The following CFAP73 variants were observed in gnomAD, a reference collection of about 807,000 sequenced individuals.
CFAP73 encodes the protein cilia- and flagella-associated protein 73.
Under a neutral mutation model 42.9 loss-of-function variants are expected in CFAP73, and 33 were observed. The ratio of observed to expected loss-of-function variants is 0.77; its 90% CI spans 0.58 to 1.03. The LOEUF (loss-of-function observed/expected upper bound fraction) is 1.03, where lower values mean the gene tolerates loss of function less well. Among genes scored for constraint, CFAP73 ranks in the 50% least tolerant of loss-of-function variants. The pLI is 0.00. For synonymous variants in CFAP73, 162 were observed against 186.8 expected (o/e 0.87, Z 1.08); for missense variants, 392 against 411.9 (o/e 0.95, Z 0.42).
At chr12:113,152,926 G>T (rs1952078415) in intron 3 of CFAP73, 39 bp downstream of exon 3, 2 of 1,404,652 alleles carry the variant, frequency 1.4e-6, no homozygotes, top group Non-Finnish European at 9.9e-7. Flanking sequence ...GGGCCTATGG[G>T]TAGCAGCCCA....
At chr12:113,151,351 G>A (rs1441365626) in intron 1 of CFAP73, among the ~76,000 whole-genome samples, 5 of 152,212 alleles carry the variant, frequency 3.3e-5, no homozygotes, top group East Asian at 1.9e-4. Flanking sequence ...GCATGGTGGC[G>A]TGCACCTGTA....
chr12:113,154,159 G>A lies in CFAP73; in HGVS notation c.469-255G>A, dbSNP rs1952093430. Among the ~76,000 whole-genome samples the A allele has an allele frequency of 6.6e-6, 1 of 151,984 alleles. No individual in the cohort carries two copies. The highest frequency in any genetic ancestry group is 1.5e-5 in the Non-Finnish European group (1 of 68,000). ...TCGGGCGTGGTGGCGTGTGACTATA[G>A]TCCCAGCTACTTTGGAGCGGAGATG... On this transcript the variant is annotated intron_variant, in intron 4 of 7. Transcript: ENST00000335621. This position sits in a 1 kb window ranked among gnomAD's most constrained non-coding sequence, Gnocchi z 4.7.
intron 3 of CFAP73, 74 bp downstream of exon 3, chr12:113,152,961 A>C: frequency 9.3e-7 from 1 of 1,078,310 alleles, no homozygotes; most frequent in Non-Finnish European, 1.4e-6. Context: ...CCCGGCAGGT[A>C]ACAAAAATAA....
In CFAP73 at chr12:113,159,169, C is replaced by T; in HGVS notation, c.*480C>T. ...GGGATCACTCCCAAGATCCCCTCCTCCCAGAAGCTTGCAGACTCCTCCCCT... is the reference window on the plus strand; with the variant it reads ...GGGATCACTCCCAAGATCCCCTCCTTCCAGAAGCTTGCAGACTCCTCCCCT... On this transcript the variant is annotated 3_prime_UTR_variant, in exon 8 of 8. Coordinates refer to ENST00000335621, the MANE Select transcript of CFAP73 (RefSeq NM_001144872.3). The T allele has an allele frequency of 1.3e-6, 2 of 1,507,810 alleles. No homozygotes were observed. The highest frequency in any genetic ancestry group is 1.8e-6 in the Non-Finnish European group (2 of 1,124,136). 93.4% of individuals were successfully genotyped at this position (1,507,810 alleles called of 1,614,324 possible). A position where few individuals can be genotyped will look rare whatever the true frequency, so the allele number is the denominator to read the frequency against.
chr12:113,152,544 A>G (rs1952073319), intron 2 of CFAP73, among the ~76,000 whole-genome samples: 1 of 152,222 alleles, frequency 6.6e-6, no homozygotes, highest in African/African-American at 2.4e-5. Context: ...TGGCTGGAAG[A>G]CAGAATATGG....
chr12:113,153,259 C>T lies in CFAP73; in HGVS notation c.319C>T (p.His107Tyr). The change falls in exon 4 of 8, where the codon CAC becomes TAC. Residue 107 changes from histidine to tyrosine, a missense_variant. By Grantham distance (83) the His-to-Tyr change is moderately conservative. Coordinates refer to ENST00000335621, the MANE Select transcript of CFAP73 (RefSeq NM_001144872.3). ...GCTGCGGAGGGCGGCGGAGGAGAGG[C>T]ACCAGGCGGGCCGTCGGGAGGTGGA... ...RALRRAAEER[H>Y]QAGRREVEAL... is the part of the protein sequence containing the mutation. The T allele has an allele frequency of 6.6e-7, 1 of 1,520,278 alleles. No individual in the cohort carries two copies. The highest frequency in any genetic ancestry group is 8.8e-7 in the Non-Finnish European group (1 of 1,140,044). The allele number at this position is 1,520,278 out of a possible 1,614,324, so 94.2% of individuals were successfully genotyped here.
chr12:113,152,340 G>A (rs181301584), intron 2 of CFAP73, among the ~76,000 whole-genome samples: 24 of 152,354 alleles, frequency 1.6e-4, no homozygotes, highest in Admixed American at 2.0e-4. Flanking sequence ...AGGGGCTGTG[G>A]AAGCCCAGAA....
chr12:113,156,731 GC>G (rs2136308435), intron 6 of CFAP73: 1 of 152,302 alleles, frequency 6.6e-6, no homozygotes, highest in African/African-American at 2.4e-5. Context: ...AGAAACACAG[GC>G]TTGATGTAAA....
chr12:113,158,647 G>T lies in CFAP73; in HGVS notation c.*12-54G>T. ...CTCAAGTCTTGGCCTGCCTGGCTTT[G>T]CTGGCGAACTCCTGCACACCCTTCA... On this transcript the variant is annotated intron_variant, in intron 7 of 7. Coordinates refer to ENST00000335621, the MANE Select transcript of CFAP73 (RefSeq NM_001144872.3). This position sits in a 1 kb window ranked among gnomAD's most constrained non-coding sequence, Gnocchi z 4.9. The T allele has an allele frequency of 4.0e-6, 2 of 503,212 alleles. No individual in the cohort carries two copies. The highest frequency in any genetic ancestry group is 8.2e-5 in the Admixed American group (2 of 24,352). 31.2% of individuals were successfully genotyped at this position (503,212 alleles called of 1,614,324 possible). A position where few individuals can be genotyped will look rare whatever the true frequency, so the allele number is the denominator to read the frequency against.
chr12:113,157,574 G>C, intron 6 of CFAP73, 28 bp from the exon 7 acceptor site: 1 of 1,548,056 alleles, frequency 6.5e-7, no homozygotes, highest in Non-Finnish European at 8.7e-7. Context: ...CTGGGGCTGG[G>C]ATGTGACTTC....
At position 113,157,654 on chromosome 12, in the gene CFAP73, C is replaced by A; in HGVS notation, c.902C>A (p.Ala301Asp). The change falls in exon 7 of 8, where the codon GCT (alanine) becomes GAT (aspartate). Residue 301 changes from alanine (A) to aspartate (D), a missense_variant. Coordinates refer to ENST00000335621, the MANE Select transcript of CFAP73 (RefSeq NM_001144872.3). ...GCCATGCTGGCCGGCCTGGGTCAGG[C>A]TGAGCCTGCAGCCCCTGCCTCCTAG... ...LSAMLAGLGQ[A>D]EPAAPAS 6.4e-7 allele frequency: 1 copy of A among 1,551,608 alleles called. No homozygotes were observed. Among genetic ancestry groups the A allele is most frequent in the Non-Finnish European group, 8.7e-7 (1 of 1,146,990 alleles).
At chr12:113,153,700 C>T (rs1347095379) in intron 4 of CFAP73, among the ~76,000 whole-genome samples, 1 of 152,164 alleles carries the variant, frequency 6.6e-6, no homozygotes, top group Admixed American at 6.5e-5. Context: ...TCAAGGGATC[C>T]TCCTGCCTCT....
chr12:113,152,720 C>T (rs1206240359), intron 2 of CFAP73, 63 bp from the exon 3 acceptor site: 4 of 1,192,166 alleles, frequency 3.4e-6, no homozygotes, highest in Non-Finnish European at 3.7e-6. Context: ...TAGGTGTGAA[C>T]CTGACAGCAT....
In CFAP73 at chr12:113,152,780, C is replaced by A; in HGVS notation, c.163-3C>A. 6.4e-7 allele frequency: 1 copy of A among 1,550,944 alleles called. No individual in the cohort carries two copies. ...ACACAGACAACCCACTCCTCACCCC[C>A]AGGTGTTCCGCACCAAGACGGCAGC... On this transcript the variant is annotated splice_polypyrimidine_tract_variant and splice_region_variant and intron_variant, in intron 2 of 7. Coordinates refer to ENST00000335621, the MANE Select transcript of CFAP73 (RefSeq NM_001144872.3).
In CFAP73 at chr12:113,152,791, C is replaced by T. The variant is rs760088685; in HGVS notation, c.171C>T (p.Arg57=). The T allele has an allele frequency of 3.4e-5, 52 of 1,551,364 alleles. No homozygotes were observed. In the South Asian group the frequency reaches 5.1e-4, roughly 15 times the overall value. Reference sequence around the variant, plus strand: ...CCACTCCTCACCCCCAGGTGTTCCGCACCAAGACGGCAGCCCTGAAACAGC... The same window carrying T: ...CCACTCCTCACCCCCAGGTGTTCCGTACCAAGACGGCAGCCCTGAAACAGC... The part of the protein sequence containing the change: ...QALQAQKEVF[R]TKTAALKQRW... The change falls in exon 3 of 8, where the codon CGC becomes CGT. Residue 57 remains arginine, a synonymous_variant. Coordinates refer to ENST00000335621, the MANE Select transcript of CFAP73 (RefSeq NM_001144872.3).
chr12:113,157,743 A>C lies in CFAP73; in HGVS notation c.*11+53A>C. 4 of 1,300,900 alleles carry C rather than the reference A, an allele frequency of 3.1e-6. No individual in the cohort carries two copies. In the South Asian group the frequency reaches 5.0e-5, roughly 16 times the overall value. The allele number at this position is 1,300,900 out of a possible 1,614,324, so 80.6% of individuals were successfully genotyped here. A position where few individuals can be genotyped will look rare whatever the true frequency, so the allele number is the denominator to read the frequency against. ...GAGACCCTGAGATAGGAGGGCCCACATTTCCAATGGGGTGTGGACTGAGTG... is the reference window on the plus strand; with the variant it reads ...GAGACCCTGAGATAGGAGGGCCCACCTTTCCAATGGGGTGTGGACTGAGTG... On this transcript the variant is annotated intron_variant, in intron 7 of 7. Coordinates refer to ENST00000335621, the MANE Select transcript of CFAP73 (RefSeq NM_001144872.3).
intron 5 of CFAP73, 35 bp from the exon 6 acceptor site, chr12:113,155,225 T>G (rs1427260674): frequency 6.7e-7 from 1 of 1,488,344 alleles, no homozygotes; most frequent in African/African-American, 1.4e-5. Flanking sequence ...CTTGGCCCAG[T>G]TGCCATAATT....
chr12:113,153,052 A>AT (rs1952079868), intron 3 of CFAP73, 156 bp from the exon 4 acceptor site: 2 of 915,242 alleles, frequency 2.2e-6, no homozygotes, highest in East Asian at 5.4e-5. Flanking sequence ...AAAAAAAAAA[A>AT]AGCGGGCGGG....
Position 113,152,782 on chromosome 12 carries a change from G to A in CFAP73, c.163-1G>A, listed in dbSNP as rs1566087694. The stretch of plus-strand genomic sequence containing the variant: ...ACAGACAACCCACTCCTCACCCCCA[G>A]GTGTTCCGCACCAAGACGGCAGCCC... On this transcript the variant is annotated splice_acceptor_variant, in intron 2 of 7. Coordinates refer to ENST00000335621, the MANE Select transcript of CFAP73 (RefSeq NM_001144872.3). LOFTEE classifies it high-confidence loss of function. The A allele has an allele frequency of 6.4e-7, 1 of 1,551,188 alleles. No homozygotes were observed. Among genetic ancestry groups the A allele is most frequent in the Admixed American group, 2.0e-5 (1 of 51,000 alleles).
Sources: allele counts gnomAD v4.1 joint callset (sites outside exome capture counted in the v4.1 genomes callset), GRCh38; gene constraint gnomAD v4.1.1; non-coding constraint Gnocchi (gnomAD v3.1); transcripts MANE v1.5; gene names NCBI Gene and HGNC (gene_info 2026-07-23, HGNC 2026-07-21).